ICA1L: variants seen among roughly 807,000 people sequenced by gnomAD.
ICA1L encodes the protein islet cell autoantigen 1-like protein.
ICA1L carries 50 observed loss-of-function variants against 61.3 expected under a neutral mutation model. The ratio of observed to expected loss-of-function variants is 0.82; its 90% CI spans 0.65 to 1.03. The LOEUF is 1.03. ICA1L is among the 50% of genes least tolerant of loss of function. The probability of loss-of-function intolerance (pLI) is 0.00; values close to 1 mark genes in which losing one functional copy is unlikely to be tolerated. For synonymous variants in ICA1L, 161 were observed against 191.3 expected, an observed-to-expected ratio of 0.84 and a Z score of 1.31; for missense variants, 508 against 556.7, an observed-to-expected ratio of 0.91 and a Z score of 0.88.
Position 202,860,520 on chromosome 2 carries a change from G to A in ICA1L, c.-8+11099C>T, listed in dbSNP as rs543940557. Reference sequence around the variant, plus strand: ...TGTAATCCCAGCACTTTGGGAGGCCGAGGCAGGCAGATCATGAGGTCAAGA... The same window carrying A: ...TGTAATCCCAGCACTTTGGGAGGCCAAGGCAGGCAGATCATGAGGTCAAGA... On this transcript the variant is annotated intron_variant, in intron 1 of 12. Coordinates refer to ENST00000358299, the MANE Select transcript of ICA1L (RefSeq NM_001288622.3). 4.5e-4 allele frequency among the ~76,000 whole-genome samples: 68 copies of A among 152,122 alleles called. No homozygotes were observed. In the South Asian group the frequency reaches 4.6e-3, roughly 10 times the overall value.
chr2:202,785,687 A>G (rs72932731), intron 12 of ICA1L, among the ~76,000 whole-genome samples: 13,884 of 152,190 alleles, frequency 0.091, 754 homozygotes, highest in Non-Finnish European at 0.13. Flanking sequence ...TAGCCCTCCC[A>G]AAGTCCAGGA....
intron 9 of ICA1L, among the ~76,000 whole-genome samples, 170 bp from the exon 10 acceptor site, chr2:202,797,134 G>GTGTGTGTATATATA (rs563633291): frequency 1.4e-5 from 1 of 70,762 alleles, no homozygotes; most frequent in Non-Finnish European, 2.5e-5. Context: ...AATCACATTT[G>GTGTGTGTATATATA]TGTGTGTGTG....
At chr2:202,841,825 A>G (rs556460273) in intron 1 of ICA1L, 83 of 310,730 alleles carry the variant, frequency 2.7e-4, no homozygotes, top group African/African-American at 1.7e-3. Context: ...CCAGATGGAG[A>G]TCCCAGAAGG....
At chr2:202,827,438 C>A (rs1430520769) in intron 2 of ICA1L, among the ~76,000 whole-genome samples, 12 of 151,832 alleles carry the variant, frequency 7.9e-5, no homozygotes, top group African/African-American at 2.9e-4. Flanking sequence ...GATGAAGTGA[C>A]TATGCTTGAT....
chr2:202,786,809 G>A, intron 11 of ICA1L: 1 of 442,374 alleles, frequency 2.3e-6, no homozygotes, highest in Non-Finnish European at 4.5e-6. Context: ...CAATAAGGAA[G>A]GAATCAGGTA....
chr2:202,782,135 C>T (rs2105815134), intron 12 of ICA1L, among the ~76,000 whole-genome samples: 1 of 152,172 alleles, frequency 6.6e-6, no homozygotes, highest in East Asian at 2.0e-4. Context: ...CACTTGAGGT[C>T]AGGAATTTGA....
At chr2:202,820,136 G>C in intron 4 of ICA1L, 2 of 440,052 alleles carry the variant, frequency 4.5e-6, no homozygotes, top group Non-Finnish European at 8.3e-6. Context: ...CACTTTGGGA[G>C]GCCAAGGTGG....
At chr2:202,833,915 G>GA (rs1574364324) in intron 1 of ICA1L, among the ~76,000 whole-genome samples, 1 of 152,252 alleles carries the variant, frequency 6.6e-6, no homozygotes, top group East Asian at 1.9e-4. Context: ...CCAGAGGCTG[G>GA]GGGGAGGGGT....
chr2:202,775,591 T>C lies in ICA1L; in HGVS notation c.*3942A>G, dbSNP rs1308989092. On this transcript the variant is annotated 3_prime_UTR_variant, in exon 13 of 13. Transcript: ENST00000358299. ...CTGGAGTGCATGGCCTGATCTCAGC[T>C]CACTGCAACCTCCACCTCCCGGGTT... 1 of 152,290 alleles carries C rather than the reference T, an allele frequency of 6.6e-6. No individual in the cohort carries two copies. The highest frequency in any genetic ancestry group is 2.4e-5 in the African/African-American group (1 of 41,454). 9.4% of individuals were successfully genotyped at this position (152,290 alleles called of 1,614,324 possible). A position where few individuals can be genotyped will look rare whatever the true frequency, so the allele number is the denominator to read the frequency against.
intron 2 of ICA1L, among the ~76,000 whole-genome samples, chr2:202,828,533 T>C (rs1357296352): frequency 6.6e-6 from 1 of 152,216 alleles, no homozygotes; most frequent in Non-Finnish European, 1.5e-5. Context: ...ATAGTATGAC[T>C]TGATATATAA....
rs188218201 is a variant in ICA1L, at chr2:202,819,743, C to G, written c.516G>C (p.Glu172Asp). 2 of 1,614,138 alleles carry G rather than the reference C, an allele frequency of 1.2e-6. No individual in the cohort carries two copies. Among genetic ancestry groups the G allele is most frequent in the East Asian group, 4.5e-5 (2 of 44,884 alleles). ...TTTGCTTTAAGGTGTCTGGGTCCAG[C>G]TCTTGGGATACATCTTTCATCCACA... ...ALLWMKDVSQ[E>D]LDPDTLKQME... Residue 172 changes from glutamate (E) to aspartate (D), a missense_variant, in exon 5 of 13, where the codon GAG (glutamate) becomes GAC (aspartate). By Grantham distance (45) the Glu-to-Asp change is conservative. Transcript: ENST00000358299.
Position 202,789,084 on chromosome 2 carries a change from G to T in ICA1L, c.989C>A (p.Ala330Glu). The change falls in exon 11 of 13, where the codon GCA becomes GAA. Residue 330 changes from alanine to glutamate, a missense_variant. Physicochemically the swap from Ala to Glu is moderately radical, Grantham distance 107. Coordinates refer to ENST00000358299, the MANE Select transcript of ICA1L (RefSeq NM_001288622.3). Reference sequence around the variant, plus strand: ...CAATGAATCTACAGGTAGATCTTTTGCAACTATTGAGTGTAAATAAAAACA... The same window carrying T: ...CAATGAATCTACAGGTAGATCTTTTTCAACTATTGAGTGTAAATAAAAACA... ...APQFSNSENV[A>E]KDLPVDSLEG... The T allele has an allele frequency of 6.2e-7, 1 of 1,605,018 alleles. No individual in the cohort carries two copies. Among genetic ancestry groups the T allele is most frequent in the South Asian group, 1.1e-5 (1 of 88,996 alleles).
intron 1 of ICA1L, among the ~76,000 whole-genome samples, chr2:202,830,007 G>A (rs1693969851): frequency 6.6e-6 from 1 of 152,078 alleles, no homozygotes; most frequent in Admixed American, 6.5e-5. Flanking sequence ...AAATATTTTA[G>A]TGTCCAATAA....
At chr2:202,823,341 TCA>T (rs1173059515) in intron 3 of ICA1L, among the ~76,000 whole-genome samples, 2 of 152,186 alleles carry the variant, frequency 1.3e-5, no homozygotes, top group Non-Finnish European at 2.9e-5. Context: ...CTTCAAGAAA[TCA>T]CATATTTATA....
chr2:202,841,848 G>T, intron 1 of ICA1L: 1 of 267,452 alleles, frequency 3.7e-6, no homozygotes, highest in Non-Finnish European at 7.4e-6. Flanking sequence ...CAGGGAAGCT[G>T]CTTCTTGGTC....
chr2:202,862,272 CAAAAAAAAAAAAAAAAAAAA>C (rs778355110), intron 1 of ICA1L, among the ~76,000 whole-genome samples: 13 of 62,976 alleles, frequency 2.1e-4, no homozygotes, highest in Admixed American at 6.7e-4. Context: ...CTCATTTCTA[CAAAAAAAAAAAAAAAAAAAA>C]AAAAAAAAAA....
At position 202,774,343 on chromosome 2, in the gene ICA1L, G is replaced by C. The variant is rs1016763188; in HGVS notation, c.*5190C>G. The C allele has an allele frequency of 5.0e-6, 7 of 1,392,122 alleles. No homozygotes were observed. The African/African-American group carries it at 9.2e-5, about 18-fold the overall frequency. 86.2% of individuals were successfully genotyped at this position (1,392,122 alleles called of 1,614,324 possible). On this transcript the variant is annotated 3_prime_UTR_variant, in exon 13 of 13. Transcript: ENST00000358299. ...TTCCCCGCAGCGCTGAGGCGAGCCT[G>C]CCGCGCGCTCCGCTCAGCGTGGTCT...
chr2:202,782,921 C>T (rs955935824), intron 12 of ICA1L, among the ~76,000 whole-genome samples: 2 of 152,108 alleles, frequency 1.3e-5, no homozygotes, highest in African/African-American at 4.8e-5. Flanking sequence ...AAAAGTATAA[C>T]TATAAGTACT....
intron 1 of ICA1L, among the ~76,000 whole-genome samples, chr2:202,832,722 T>C (rs1028823383): frequency 2.0e-5 from 3 of 151,658 alleles, no homozygotes; most frequent in Non-Finnish European, 2.9e-5. Context: ...GAGGTTACAG[T>C]GAGCTATGAT....
Sources: allele counts gnomAD v4.1 joint callset (sites outside exome capture counted in the v4.1 genomes callset), GRCh38; gene constraint gnomAD v4.1.1; transcripts MANE v1.5; gene names NCBI Gene and HGNC (gene_info 2026-07-23, HGNC 2026-07-21).